The following THADA variants were observed in gnomAD, a reference collection of about 807,000 sequenced individuals.
THADA encodes the protein tRNA (32-2'-O)-methyltransferase regulator THADA.
THADA carries 213 observed loss-of-function variants against 219.8 expected under a neutral mutation model. The ratio of observed to expected loss-of-function variants is 0.97; its 90% CI spans 0.87 to 1.09. The LOEUF (loss-of-function observed/expected upper bound fraction) is 1.09. Ranked by LOEUF, THADA falls within the 50% of genes least tolerant of loss-of-function variation. The pLI, the probability that THADA is intolerant of heterozygous loss-of-function variation, is 0.00. For synonymous variants in THADA, 1,018 were observed against 828.9 expected (o/e 1.23, Z -3.92); for missense variants, 2,956 against 2,311.3 (o/e 1.28, Z -5.72).
intron 7 of THADA, among the ~76,000 whole-genome samples, chr2:43,582,698 T>C (rs969676687): frequency 1.3e-5 from 2 of 150,448 alleles, no homozygotes; most frequent in Non-Finnish European, 3.0e-5. Context: ...TCCTCCCAAG[T>C]AGCTGGGATT....
At chr2:43,581,114 G>A (rs551723095) in intron 8 of THADA, among the ~76,000 whole-genome samples, 44 of 152,032 alleles carry the variant, frequency 2.9e-4, no homozygotes, top group Admixed American at 9.2e-4. Flanking sequence ...TCACTTTTTC[G>A]TTAATCTTAT....
chr2:43,561,277 A>G (rs894539036), intron 15 of THADA, among the ~76,000 whole-genome samples: 2 of 152,240 alleles, frequency 1.3e-5, no homozygotes, highest in African/African-American at 4.8e-5. Context: ...GAAGGTGTGA[A>G]GAACTTTGCC....
chr2:43,240,015 C>A (rs952534744), intron 36 of THADA, among the ~76,000 whole-genome samples: 31 of 152,162 alleles, frequency 2.0e-4, no homozygotes, highest in Admixed American at 1.3e-4. Context: ...CTGACCCACA[C>A]GAAGTGTGAC....
chr2:43,528,791 AT>A (rs964392722), intron 21 of THADA, among the ~76,000 whole-genome samples: 1 of 151,918 alleles, frequency 6.6e-6, no homozygotes, highest in Non-Finnish European at 1.5e-5. Flanking sequence ...TTCTTTTAAA[AT>A]TTTTTTTCTT....
intron 36 of THADA, among the ~76,000 whole-genome samples, chr2:43,267,751 C>T (rs758247912): frequency 4.6e-5 from 7 of 151,554 alleles, no homozygotes; most frequent in Non-Finnish European, 7.4e-5. Context: ...AGAAGGTGTG[C>T]GCCCCTAATC....
intron 22 of THADA, among the ~76,000 whole-genome samples, chr2:43,525,825 C>CA (rs1316557986): frequency 6.6e-6 from 1 of 152,148 alleles, no homozygotes; most frequent in Non-Finnish European, 1.5e-5. Context: ...TATGTGGGGA[C>CA]AAAAGTTAAC....
chr2:43,301,588 A>G (rs1357025198), intron 31 of THADA, among the ~76,000 whole-genome samples: 1 of 152,242 alleles, frequency 6.6e-6, no homozygotes, highest in Non-Finnish European at 1.5e-5. Flanking sequence ...AGGAATGTCC[A>G]ATACCTCAGC....
At chr2:43,380,325 G>C (rs1467999967) in intron 29 of THADA, among the ~76,000 whole-genome samples, 1 of 152,186 alleles carries the variant, frequency 6.6e-6, no homozygotes, top group Non-Finnish European at 1.5e-5. Context: ...TATTCTAGTA[G>C]GTAAGGTTTT....
chr2:43,430,794 C>A (rs1573608031), intron 26 of THADA: 1 of 291,116 alleles, frequency 3.4e-6, no homozygotes, highest in East Asian at 9.3e-5. Context: ...TGGCTTCTAC[C>A]CACTAGATGC....
intron 30 of THADA, among the ~76,000 whole-genome samples, chr2:43,332,856 G>T (rs1665948124): frequency 6.6e-6 from 1 of 152,176 alleles, no homozygotes; most frequent in Admixed American, 6.5e-5. Context: ...TTAAAAAGTA[G>T]AAAGCATCAG....
At position 43,577,123 on chromosome 2, in the gene THADA, C is replaced by G; in HGVS notation, c.936G>C (p.Gln312His). Residue 312 changes from glutamine (Q) to histidine (H), a missense_variant, in exon 10 of 38, where the codon CAG becomes CAC. Transcript: ENST00000405975. ...GCCAGTCCAACATGGCAAGTGTCCC[C>G]TGACAGAGGAATAAGACAGCTGACT... The part of the protein sequence containing the change: ...ISQSAVLFLC[Q>H]GTLAMLDWQN... The G allele has an allele frequency of 6.2e-7, 1 of 1,612,988 alleles. No homozygotes were observed. The highest frequency in any genetic ancestry group is 8.5e-7 in the Non-Finnish European group (1 of 1,179,554).
At chr2:43,286,235 G>A (rs945055218) in intron 35 of THADA, among the ~76,000 whole-genome samples, 1 of 152,190 alleles carries the variant, frequency 6.6e-6, no homozygotes, top group Admixed American at 6.5e-5. Flanking sequence ...AGGGAGTGGT[G>A]GATGATAAGG....
intron 36 of THADA, chr2:43,277,213 T>C (rs991112113): frequency 2.0e-5 from 3 of 152,488 alleles, no homozygotes; most frequent in African/African-American, 7.2e-5. Flanking sequence ...AAACCCTCTC[T>C]AGCTTCCCAT....
chr2:43,488,483 TC>T (rs1439935721), intron 25 of THADA, among the ~76,000 whole-genome samples: 1 of 152,162 alleles, frequency 6.6e-6, no homozygotes, highest in Non-Finnish European at 1.5e-5. Context: ...TTCTCAAGGT[TC>T]CCCCATGTTG....
At position 43,572,796 on chromosome 2, in the gene THADA, G is replaced by A. The variant is rs370806757; in HGVS notation, c.1908+18C>T. 25 of 1,610,976 alleles carry A rather than the reference G, an allele frequency of 1.6e-5. No homozygotes were observed. The highest frequency in any genetic ancestry group is 2.5e-6 in the Non-Finnish European group (3 of 1,178,318). ...GGATCTACTGCATGTACAAATCCAG[G>A]TAATTTTCTTTACTTACTTGGCAAT... On this transcript the variant is annotated intron_variant, in intron 12 of 37. Coordinates refer to ENST00000405975, the MANE Select transcript of THADA (RefSeq NM_022065.5).
chr2:43,529,983 T>A (rs540857905), intron 21 of THADA, among the ~76,000 whole-genome samples: 7 of 152,108 alleles, frequency 4.6e-5, no homozygotes, highest in Admixed American at 1.3e-4. Flanking sequence ...ATAATCCAAT[T>A]CAGTTCAATA....
chr2:43,559,329 T>C (rs899325339), intron 16 of THADA, among the ~76,000 whole-genome samples: 3 of 152,132 alleles, frequency 2.0e-5, no homozygotes, highest in Admixed American at 1.3e-4. Flanking sequence ...TACAGATAGA[T>C]AGATGTTCTA....
At chr2:43,555,423 C>T (rs1371145464) in intron 17 of THADA, among the ~76,000 whole-genome samples, 3 of 150,424 alleles carry the variant, frequency 2.0e-5, no homozygotes, top group Non-Finnish European at 4.4e-5. Context: ...TTTTTTAAGC[C>T]GTCTATATTT....
intron 36 of THADA, among the ~76,000 whole-genome samples, chr2:43,262,624 A>T (rs1315152729): frequency 6.6e-6 from 1 of 152,222 alleles, no homozygotes; most frequent in Non-Finnish European, 1.5e-5. Context: ...AAGAAAACTC[A>T]ATCTAAGTTC....
Sources: gnomAD v4.1 joint callset for allele counts (sites outside exome capture counted in the v4.1 genomes callset) on GRCh38, gnomAD v4.1.1 for gene constraint, MANE v1.5 for transcripts, NCBI Gene and HGNC (gene_info 2026-07-23, HGNC 2026-07-21) for gene names.